Variants in FLT3 observed in about 807,000 individuals in gnomAD.
FLT3 encodes fms related receptor tyrosine kinase 3.
FLT3 carries 46 observed loss-of-function variants against 126.6 expected under a neutral mutation model. That is an observed-to-expected ratio of 0.36 (90% CI 0.29 to 0.46). The LOEUF (loss-of-function observed/expected upper bound fraction) is 0.46. Among genes scored for constraint, FLT3 ranks in the 20% least tolerant of loss-of-function variants. The pLI is 1.00. For missense variants in FLT3, 1,069 were observed against 1,190.3 expected, an observed-to-expected ratio of 0.90 and a Z score of 1.50; for synonymous variants, 404 against 434.4, an observed-to-expected ratio of 0.93 and a Z score of 0.87.
chr13:28,044,145 C>CA (rs1053721716), intron 9 of FLT3, among the ~76,000 whole-genome samples: 123 of 139,768 alleles, frequency 8.8e-4, no homozygotes, highest in African/African-American at 1.4e-3. Context: ...GACTCCGTCT[C>CA]AAAAAAAAAA....
At position 28,070,631 on chromosome 13, in the gene FLT3, A is replaced by C. The variant is rs1877423559; in HGVS notation, c.44-19T>G. 4 of 1,574,958 alleles carry C rather than the reference A, an allele frequency of 2.5e-6. No homozygotes were observed. The highest frequency in any genetic ancestry group is 3.5e-6 in the Non-Finnish European group (4 of 1,150,782). On this transcript the variant is annotated intron_variant, in intron 1 of 23. Transcript: ENST00000241453. ...AAAACAACTGTAAAACAAAATAAAA[A>C]TGATAATGTTGATACATGCACACCT... is the stretch of plus-strand genomic sequence containing the variant.
chr13:28,037,166 T>G lies in FLT3; in HGVS notation c.1309+19A>C. 1 of 1,373,042 alleles carries G rather than the reference T, an allele frequency of 7.3e-7. No individual in the cohort carries two copies. Among genetic ancestry groups the G allele is most frequent in the Non-Finnish European group, 1.0e-6 (1 of 965,092 alleles). 85.1% of individuals were successfully genotyped at this position (1,373,042 alleles called of 1,614,324 possible). On this transcript the variant is annotated intron_variant, in intron 10 of 23. Coordinates refer to ENST00000241453, the MANE Select transcript of FLT3 (RefSeq NM_004119.3). ...AGGAATTAAAAAATAAAAATCAAAT[T>G]CTCGGCAATTTAACTTACTTCTTAT...
At chr13:28,015,508 T>TGTG in intron 21 of FLT3, 82 bp downstream of exon 21, 1 of 413,372 alleles carries the variant, frequency 2.4e-6, no homozygotes, top group Non-Finnish European at 4.4e-6. Flanking sequence ...CCATCAGTGT[T>TGTG]GGGGGGAGGG....
Position 28,035,592 on chromosome 13 carries a change from A to T in FLT3, c.1500T>A (p.Thr500=), listed in dbSNP as rs536499370. The T allele has an allele frequency of 3.7e-6, 6 of 1,614,188 alleles. 1 individual carries two copies. The South Asian group carries it at 6.6e-5, about 18-fold the overall frequency. ...CTTTTATGGCTTCACTCATGTTTAG[A>T]GTACTGCTCGACACCCACTGTCCAA... ...KVFGQWVSSS[T]LNMSEAIKGF... Residue 500 remains threonine, a synonymous_variant, in exon 12 of 24, where the codon ACT becomes ACA. Transcript: ENST00000241453.
chr13:28,042,410 A>T (rs1874472543), intron 9 of FLT3, among the ~76,000 whole-genome samples: 2 of 152,020 alleles, frequency 1.3e-5, no homozygotes, highest in Admixed American at 1.3e-4. Context: ...TTATACAAAG[A>T]TCCATATTGT....
chr13:28,015,191 T>G lies in FLT3; in HGVS notation c.2719A>C (p.Lys907Gln), dbSNP rs1167788745. 8 of 1,611,594 alleles carry G rather than the reference T, an allele frequency of 5.0e-6. No homozygotes were observed. The highest frequency in any genetic ancestry group is 6.8e-6 in the Non-Finnish European group (8 of 1,177,926). Residue 907 changes from lysine to glutamine, a missense_variant, in exon 22 of 24, where the codon AAA (lysine) becomes CAA (glutamine). Physicochemically the swap from Lys to Gln is moderately conservative, Grantham distance 53 (BLOSUM62 1). Coordinates refer to ENST00000241453, the MANE Select transcript of FLT3 (RefSeq NM_004119.3). ...NFYKLIQNGF[K>Q]MDQPFYATEE... ...GTAGCATAAAATGGCTGATCCATTT[T>G]AAATCCATTTTGAATCAGTTTGTAG...
At chr13:28,043,284 T>G (rs1593252737) in intron 9 of FLT3, among the ~76,000 whole-genome samples, 2 of 151,756 alleles carry the variant, frequency 1.3e-5, no homozygotes, top group African/African-American at 4.8e-5. Flanking sequence ...AACTAATGGG[T>G]GAAATATCCT....
chr13:28,057,568 T>C (rs1876121720), intron 3 of FLT3, 106 bp from the exon 4 acceptor site: 1 of 666,096 alleles, frequency 1.5e-6, no homozygotes, highest in Non-Finnish European at 2.7e-6. Flanking sequence ...GTTCCCCGAC[T>C]GGCACGGAAG....
intron 18 of FLT3, among the ~76,000 whole-genome samples, chr13:28,024,359 C>T (rs918576243): frequency 1.3e-5 from 2 of 152,022 alleles, no homozygotes; most frequent in Non-Finnish European, 2.9e-5. Context: ...TCTTGAACTC[C>T]TGACCTCAGG....
chr13:28,014,777 C>T (rs750975846), intron 22 of FLT3, among the ~76,000 whole-genome samples: 13 of 152,160 alleles, frequency 8.5e-5, no homozygotes, highest in African/African-American at 2.7e-4. Context: ...TGGATAGAAT[C>T]GAATGACCTT....
chr13:28,085,379 A>G (rs1469042812), intron 1 of FLT3, among the ~76,000 whole-genome samples: 2 of 149,984 alleles, frequency 1.3e-5, no homozygotes, highest in Non-Finnish European at 1.5e-5. Context: ...GAAAAGAAAA[A>G]AGAGGTGCAT....
At chr13:28,014,671 T>C (rs1871682287) in intron 22 of FLT3, 114 bp from the exon 23 acceptor site, 2 of 699,686 alleles carry the variant, frequency 2.9e-6, no homozygotes, top group Non-Finnish European at 4.8e-6. Context: ...ATTTACAGCA[T>C]GTTTGTTTTG....
chr13:28,025,230 A>G (rs1369767090), intron 17 of FLT3: 1 of 442,918 alleles, frequency 2.3e-6, no homozygotes, highest in Non-Finnish European at 4.1e-6. Flanking sequence ...CATTTTATAA[A>G]AGAGAAATTA....
At chr13:28,045,848 C>A in intron 9 of FLT3, among the ~76,000 whole-genome samples, 1 of 65,234 alleles carries the variant, frequency 1.5e-5, no homozygotes. Flanking sequence ...GAATAAGACT[C>A]TGTCTCAAAA....
At chr13:28,074,269 G>A (rs1593291490) in intron 1 of FLT3, among the ~76,000 whole-genome samples, 1 of 152,116 alleles carries the variant, frequency 6.6e-6, no homozygotes, top group South Asian at 2.1e-4. Flanking sequence ...TTACCAAGTA[G>A]TAATCTGTTG....
chr13:28,097,076 T>C (rs1363223909), intron 1 of FLT3, among the ~76,000 whole-genome samples: 1 of 151,710 alleles, frequency 6.6e-6, no homozygotes, highest in Non-Finnish European at 1.5e-5. Context: ...ATTAATGAGG[T>C]GTGGTGGCAC....
chr13:28,041,025 A>C (rs1043006297), intron 9 of FLT3, among the ~76,000 whole-genome samples: 1 of 152,176 alleles, frequency 6.6e-6, no homozygotes, highest in Non-Finnish European at 1.5e-5. Flanking sequence ...TGCTTTGTTA[A>C]CAAGAAGGCT....
chr13:28,035,362 G>A, intron 12 of FLT3, 133 bp downstream of exon 12: 3 of 799,852 alleles, frequency 3.8e-6, no homozygotes, highest in Non-Finnish European at 5.9e-6. Flanking sequence ...ATTCTTGCCT[G>A]ACTCAAGAAA....
At chr13:28,014,979 T>A (rs1357192738) in intron 22 of FLT3, among the ~76,000 whole-genome samples, 178 bp downstream of exon 22, 1 of 152,150 alleles carries the variant, frequency 6.6e-6, no homozygotes, top group African/African-American at 2.4e-5. Context: ...GAAGATTGCT[T>A]GAAGCCAGGA....
Sources: allele counts gnomAD v4.1 joint callset (sites outside exome capture counted in the v4.1 genomes callset), GRCh38; gene constraint gnomAD v4.1.1; transcripts MANE v1.5; gene names NCBI Gene and HGNC (gene_info 2026-07-23, HGNC 2026-07-21).